Variants in DCLK3 observed in about 807,000 individuals in gnomAD.
The protein encoded by DCLK3 is doublecortin like kinase 3, also known as serine/threonine-protein kinase DCLK3.
In DCLK3, 30 loss-of-function variants were observed where a neutral mutation model predicts 46.4. That is an observed-to-expected ratio of 0.65 (90% CI 0.48 to 0.88). The LOEUF is 0.88. DCLK3 is among the 40% of genes least tolerant of loss of function. The pLI is 0.00. For synonymous variants in DCLK3, 401 were observed against 339.2 expected, an observed-to-expected ratio of 1.18 and a Z score of -2.00; for missense variants, 846 against 907.1, an observed-to-expected ratio of 0.93 and a Z score of 0.87.
chr3:36,716,460 C>T (rs1034715747), intron 4 of DCLK3, among the ~76,000 whole-genome samples: 15 of 151,866 alleles, frequency 9.9e-5, no homozygotes, highest in Non-Finnish European at 2.2e-4. Flanking sequence ...AAAGCCCCAG[C>T]CCCACCACTG....
chr3:36,720,051 A>G (rs533841066), intron 3 of DCLK3, among the ~76,000 whole-genome samples: 49 of 152,302 alleles, frequency 3.2e-4, no homozygotes, highest in African/African-American at 4.1e-4. Context: ...GTGATTCCCA[A>G]TGTTGGAGGT....
intron 1 of DCLK3, among the ~76,000 whole-genome samples, chr3:36,761,729 C>A (rs969421514): frequency 1.3e-5 from 2 of 152,146 alleles, no homozygotes; most frequent in Non-Finnish European, 2.9e-5. Context: ...ATCCAAGCCC[C>A]TACCCAGTAA....
Position 36,715,431 on chromosome 3 carries a change from G to A in DCLK3, c.2351C>T (p.Thr784Ile). ...TTTCACTGTATTGGTCTTGCCAGCT[G>A]TTTCGATCCAGGGGTGCTGAAGAAC... ...HQVLQHPWIE[T>I]AGKTNTVKRQ... The change falls in exon 5 of 5, where the codon ACA (threonine) becomes ATA (isoleucine). Residue 784 changes from threonine to isoleucine, a missense_variant. Transcript: ENST00000636136. 1 of 1,613,684 alleles carries A rather than the reference G, an allele frequency of 6.2e-7. No homozygotes were observed. Among genetic ancestry groups the A allele is most frequent in the Non-Finnish European group, 8.5e-7 (1 of 1,179,806 alleles).
At chr3:36,735,820 A>G (rs1237195767) in intron 2 of DCLK3, among the ~76,000 whole-genome samples, 2 of 152,224 alleles carry the variant, frequency 1.3e-5, no homozygotes, top group Non-Finnish European at 2.9e-5. Flanking sequence ...GCAGCATGGT[A>G]TGGCCTTTAG....
chr3:36,718,852 CTATA>C (rs1482634225), intron 3 of DCLK3, among the ~76,000 whole-genome samples: 2 of 152,016 alleles, frequency 1.3e-5, no homozygotes, highest in Admixed American at 6.5e-5. Context: ...GCGCACACAC[CTATA>C]TAGAGACATG....
At chr3:36,734,579 A>G (rs1267618712) in intron 2 of DCLK3, among the ~76,000 whole-genome samples, 5 of 152,180 alleles carry the variant, frequency 3.3e-5, no homozygotes, top group Non-Finnish European at 5.9e-5. Flanking sequence ...ACATATATAT[A>G]TGGACTTTCT....
chr3:36,741,033 C>T (rs1244985456), intron 1 of DCLK3, among the ~76,000 whole-genome samples: 1 of 152,184 alleles, frequency 6.6e-6, no homozygotes, highest in Non-Finnish European at 1.5e-5. Context: ...CCACACACCA[C>T]AAATTTATGA....
intron 2 of DCLK3, among the ~76,000 whole-genome samples, chr3:36,731,326 C>A (rs78296591): frequency 0.014 from 2,073 of 152,152 alleles, 50 homozygotes; most frequent in African/African-American, 0.045. Flanking sequence ...AGTTCCCCAA[C>A]CCAGAGAATG....
chr3:36,728,376 G>A (rs978600347), intron 2 of DCLK3, among the ~76,000 whole-genome samples: 3 of 152,094 alleles, frequency 2.0e-5, no homozygotes, highest in Non-Finnish European at 2.9e-5. Flanking sequence ...GTGGGGGGAC[G>A]GTGTCTGTTA....
rs1401062540 is a variant in DCLK3 at position 36,715,444 on chromosome 3, G to A, written c.2338C>T (p.Pro780Ser). 1.2e-6 allele frequency: 2 copies of A among 1,612,502 alleles called. No individual in the cohort carries two copies. Among genetic ancestry groups the A allele is most frequent in the South Asian group, 2.2e-5 (2 of 90,742 alleles). Residue 780 changes from proline to serine, a missense_variant, in exon 5 of 5, where the codon CCC (proline) becomes TCC (serine). Physicochemically the swap from Pro to Ser is moderately conservative, Grantham distance 74. Around this residue, in one of 3 missense-constraint regions of DCLK3, gnomAD observed 247 missense variants for 322.8 expected, o/e 0.77. Transcript: ENST00000636136. ...RYTAHQVLQH[P>S]WIETAGKTNT... ...GTCTTGCCAGCTGTTTCGATCCAGG[G>A]GTGCTGAAGAACCTGATGAGCTGTG...
chr3:36,723,848 G>A (rs562141786), intron 2 of DCLK3, among the ~76,000 whole-genome samples: 2 of 152,298 alleles, frequency 1.3e-5, no homozygotes, highest in Admixed American at 1.3e-4. Context: ...GGAAATGTGG[G>A]GTCGGATCCC....
intron 2 of DCLK3, among the ~76,000 whole-genome samples, chr3:36,736,857 C>T (rs1369824177): frequency 6.6e-6 from 1 of 152,182 alleles, no homozygotes; most frequent in Non-Finnish European, 1.5e-5. Flanking sequence ...ATGATGCACA[C>T]AAAGCCTCGA....
rs1701296256 is a variant in DCLK3, at chr3:36,738,271, T to C, written c.896A>G (p.Glu299Gly). 8.4e-6 allele frequency: 13 copies of C among 1,541,642 alleles called. No individual in the cohort carries two copies. Among genetic ancestry groups the C allele is most frequent in the African/African-American group, 1.4e-5 (1 of 72,224 alleles). ...RGEKHLGVEI[E>G]KTSGEIIRCE... ...TCTGATAATTTCACCCGAGGTCTTT[T>C]CAATCTCCACCCCAAGATGCTTCTC... The change falls in exon 2 of 5, where the codon GAA becomes GGA. Residue 299 changes from glutamate (E) to glycine (G), a missense_variant. By Grantham distance (98) the Glu-to-Gly change is moderately conservative. Coordinates refer to ENST00000636136, the MANE Select transcript of DCLK3 (RefSeq NM_001394672.2).
At chr3:36,744,480 C>G (rs1701377132) in intron 1 of DCLK3, among the ~76,000 whole-genome samples, 1 of 152,212 alleles carries the variant, frequency 6.6e-6, no homozygotes, top group African/African-American at 2.4e-5. Context: ...GAACACTGAC[C>G]ATGGGTCAGA....
At chr3:36,722,144 A>C (rs1415948983) in intron 2 of DCLK3, among the ~76,000 whole-genome samples, 1 of 152,174 alleles carries the variant, frequency 6.6e-6, no homozygotes, top group Non-Finnish European at 1.5e-5. Context: ...TGGGCAATGC[A>C]GAGGCTGGGC....
In DCLK3 at chr3:36,737,610, G is replaced by T. The variant is rs201401248; in HGVS notation, c.1557C>A (p.Ala519=). Residue 519 remains alanine, a synonymous_variant, in exon 2 of 5, where the codon GCC becomes GCA. Coordinates refer to ENST00000636136, the MANE Select transcript of DCLK3 (RefSeq NM_001394672.2). This position sits in a 1 kb window ranked among gnomAD's most constrained non-coding sequence, Gnocchi z 4.4. The stretch of plus-strand genomic sequence containing the variant: ...CAGTCTCATAATGCTTTTCCACATT[G>T]GCGGCAATGATGCCCATGGGCCGTG... ...RKPRPMGIIA[A]NVEKHYETGR... The T allele has an allele frequency of 3.0e-5, 49 of 1,613,992 alleles. No homozygotes were observed. The highest frequency in any genetic ancestry group is 3.3e-4 in the Middle Eastern group (2 of 6,084).
chr3:36,755,325 C>A (rs1246363059), intron 1 of DCLK3, among the ~76,000 whole-genome samples: 1 of 151,936 alleles, frequency 6.6e-6, no homozygotes, highest in East Asian at 1.9e-4. Flanking sequence ...TATTACAGAG[C>A]TACAATTACA....
At chr3:36,719,720 T>C (rs192183939) in intron 3 of DCLK3, among the ~76,000 whole-genome samples, 2 of 152,188 alleles carry the variant, frequency 1.3e-5, no homozygotes, top group Admixed American at 6.5e-5. Context: ...CTTCACCTCC[T>C]TGCCAAGTGG....
At position 36,764,059 on chromosome 3, in the gene DCLK3, C is replaced by G. The variant is rs147493959; in HGVS notation, c.82+123G>C. 1.3e-3 allele frequency: 272 copies of G among 211,736 alleles called. 7 individuals are homozygous for G. The East Asian group carries it at 0.024, about 19-fold the overall frequency. 13.1% of individuals were successfully genotyped at this position (211,736 alleles called of 1,614,324 possible). A position where few individuals can be genotyped will look rare whatever the true frequency, so the allele number is the denominator to read the frequency against. On this transcript the variant is annotated intron_variant, in intron 1 of 4. Transcript: ENST00000636136. The surrounding 1 kb of genome is among the most constrained non-coding windows in gnomAD (Gnocchi z 4.9). ...ACACACAGTCCTCCGTACACCCACG[C>G]GGGGTCTGGCACTGCTGCTACATCC...
Sources: gnomAD v4.1 joint callset for allele counts (sites outside exome capture counted in the v4.1 genomes callset) on GRCh38, gnomAD v4.1.1 for gene constraint, gnomAD v4.1.1 regional missense constraint, Gnocchi (gnomAD v3.1) non-coding constraint, MANE v1.5 for transcripts, NCBI Gene and HGNC (gene_info 2026-07-23, HGNC 2026-07-21) for gene names.